Variants in CSMD1 observed in about 807,000 individuals in gnomAD.
CSMD1 encodes the protein CUB and Sushi multiple domains 1.
In CSMD1, 213 loss-of-function variants were observed where a neutral mutation model predicts 417.5. The observed-to-expected ratio is 0.51, with a 90% CI of 0.46 to 0.57. The LOEUF is 0.57. Among genes scored for constraint, CSMD1 ranks in the 20% least tolerant of loss-of-function variants. The pLI, the probability that CSMD1 is intolerant of heterozygous loss-of-function variation, is 0.00. For synonymous variants in CSMD1, 2,862 were observed against 1,736.8 expected (o/e 1.65, Z -16.11); for missense variants, 6,923 against 4,529.7 (o/e 1.53, Z -15.17).
In CSMD1 at chr8:4,286,360, C is replaced by G. The variant is rs73500655; in HGVS notation, c.415+133593G>C. On this transcript the variant is annotated intron_variant, in intron 3 of 69. Transcript: ENST00000635120. The stretch of plus-strand genomic sequence containing the variant: ...TTTTTAAAAAACAACGTTTTTCCTT[C>G]TATGTTAGTTCAAAACTACAGTCCT... Among the ~76,000 whole-genome samples the G allele has an allele frequency of 2.4e-3, 369 of 152,250 alleles. 2 individuals carry two copies. The highest frequency in any genetic ancestry group is 8.6e-3 in the African/African-American group (357 of 41,536).
intron 52 of CSMD1, among the ~76,000 whole-genome samples, chr8:3,006,723 T>G (rs748848051): frequency 1.3e-4 from 19 of 151,720 alleles, no homozygotes; most frequent in African/African-American, 1.9e-4. Context: ...TAGCCATATG[T>G]AGAAAGCTGA....
intron 59 of CSMD1, among the ~76,000 whole-genome samples, 197 bp downstream of exon 59, chr8:2,965,578 G>A (rs143057673): frequency 2.5e-4 from 38 of 152,122 alleles, no homozygotes; most frequent in Admixed American, 1.2e-3. Flanking sequence ...CCTCTACCTC[G>A]CTATGAGTTA....
At chr8:4,417,701 G>A (rs1353821405) in intron 3 of CSMD1, among the ~76,000 whole-genome samples, 1 of 151,854 alleles carries the variant, frequency 6.6e-6, no homozygotes, top group Admixed American at 6.6e-5. Context: ...TGGGAAAAGA[G>A]GAAATCTGAG....
At chr8:3,323,444 G>C (rs6982589) in intron 23 of CSMD1, among the ~76,000 whole-genome samples, 38,795 of 151,782 alleles carry the variant, frequency 0.26, 6,476 homozygotes, top group African/African-American at 0.46. Flanking sequence ...GGTCCATTCT[G>C]AACCCCTCTC....
intron 8 of CSMD1, among the ~76,000 whole-genome samples, chr8:3,588,890 C>A (rs1187849443): frequency 1.3e-5 from 2 of 151,964 alleles, no homozygotes; most frequent in African/African-American, 4.8e-5. Context: ...CACAAGAAAA[C>A]AAATCACCCA....
At chr8:4,175,557 C>T (rs1216715205) in intron 3 of CSMD1, among the ~76,000 whole-genome samples, 2 of 151,998 alleles carry the variant, frequency 1.3e-5, no homozygotes, top group African/African-American at 2.4e-5. Context: ...TAAAACCAGC[C>T]CTTAGATTTT....
intron 21 of CSMD1, among the ~76,000 whole-genome samples, chr8:3,354,571 T>C (rs2117678262): frequency 6.6e-6 from 1 of 152,246 alleles, no homozygotes; most frequent in African/African-American, 2.4e-5. Context: ...TGCAATTCCA[T>C]ATTTACTCAC....
chr8:3,363,538 A>T (rs371562182), intron 20 of CSMD1, among the ~76,000 whole-genome samples: 1 of 122,966 alleles, frequency 8.1e-6, no homozygotes, highest in East Asian at 2.6e-4. Flanking sequence ...TTTATTTATT[A>T]TTTTTTTGAG....
At chr8:4,793,991 G>A (rs1305781332) in intron 1 of CSMD1, among the ~76,000 whole-genome samples, 1 of 152,144 alleles carries the variant, frequency 6.6e-6, no homozygotes, top group Non-Finnish European at 1.5e-5. Context: ...GCTTACAGGA[G>A]TATTTGCATA....
chr8:4,250,044 C>T (rs1478519806), intron 3 of CSMD1, among the ~76,000 whole-genome samples: 2 of 152,088 alleles, frequency 1.3e-5, no homozygotes, highest in African/African-American at 4.8e-5. Flanking sequence ...ATTGATGCCC[C>T]AATAAAGAGG....
intron 10 of CSMD1, among the ~76,000 whole-genome samples, chr8:3,559,277 C>G (rs867549996): frequency 1.5e-4 from 23 of 152,206 alleles, no homozygotes; most frequent in South Asian, 8.3e-4. Context: ...AATAACTGCC[C>G]TTGGTGTGAA....
chr8:4,176,466 C>T (rs1247675051), intron 3 of CSMD1, among the ~76,000 whole-genome samples: 3 of 152,020 alleles, frequency 2.0e-5, no homozygotes, highest in African/African-American at 4.8e-5. Flanking sequence ...ATTTTCTCAT[C>T]CTGGCACCTT....
intron 3 of CSMD1, among the ~76,000 whole-genome samples, chr8:4,391,704 C>G (rs796276335): frequency 3.9e-5 from 6 of 152,236 alleles, no homozygotes; most frequent in African/African-American, 1.4e-4. Flanking sequence ...CCACCAGCTT[C>G]CCCATGTGAA....
chr8:3,292,843 TTA>T (rs2117288143), intron 25 of CSMD1, among the ~76,000 whole-genome samples: 1 of 152,228 alleles, frequency 6.6e-6, no homozygotes, highest in African/African-American at 2.4e-5. Flanking sequence ...GTTAATATTG[TTA>T]TGTGTGAATT....
chr8:3,439,473 C>G (rs1014838962), intron 12 of CSMD1, among the ~76,000 whole-genome samples: 1 of 136,666 alleles, frequency 7.3e-6, no homozygotes, highest in Admixed American at 8.0e-5. Context: ...TATCCTAACT[C>G]TGTGACTCTG....
At chr8:3,120,502 T>C (rs1817136876) in intron 41 of CSMD1, among the ~76,000 whole-genome samples, 1 of 152,164 alleles carries the variant, frequency 6.6e-6, no homozygotes, top group Non-Finnish European at 1.5e-5. Flanking sequence ...TTATTATCCA[T>C]AGCTTTCTCC....
chr8:2,940,556 C>A (rs768368773), intron 69 of CSMD1, among the ~76,000 whole-genome samples: 3 of 152,260 alleles, frequency 2.0e-5, no homozygotes, highest in Non-Finnish European at 2.9e-5. Flanking sequence ...TCCAAGGCAC[C>A]GCCTTCACGG....
chr8:3,309,334 C>A (rs1006674139), intron 23 of CSMD1, among the ~76,000 whole-genome samples: 4 of 132,110 alleles, frequency 3.0e-5, no homozygotes, highest in African/African-American at 8.2e-5. Flanking sequence ...GAAAAAAAAA[C>A]TGGCGCTCCT....
At chr8:4,016,152 C>G (rs186772839) in intron 4 of CSMD1, among the ~76,000 whole-genome samples, 1 of 152,248 alleles carries the variant, frequency 6.6e-6, no homozygotes, top group Non-Finnish European at 1.5e-5. Context: ...GATAGGATTG[C>G]ATAAAAGCAT....
Sources: gnomAD v4.1 joint callset for allele counts (sites outside exome capture counted in the v4.1 genomes callset) on GRCh38, gnomAD v4.1.1 for gene constraint, MANE v1.5 for transcripts, NCBI Gene and HGNC (gene_info 2026-07-23, HGNC 2026-07-21) for gene names.